Variants in BRWD1 observed in about 807,000 individuals in gnomAD.
BRWD1 encodes the protein bromodomain and WD repeat-containing protein 1.
A neutral mutation model predicts 251.2 loss-of-function variants in BRWD1; 82 were observed. The observed-to-expected ratio is 0.33, with a 90% CI of 0.27 to 0.39. BRWD1 has a LOEUF of 0.39. Ranked by LOEUF, BRWD1 falls within the 10% of genes least tolerant of loss-of-function variation. The pLI, the probability that BRWD1 is intolerant of heterozygous loss-of-function variation, is 1.00. For synonymous variants in BRWD1, 918 were observed against 902.8 expected (o/e 1.02, Z -0.30); for missense variants, 2,233 against 2,711.6 (o/e 0.82, Z 3.92).
intron 8 of BRWD1, among the ~76,000 whole-genome samples, chr21:39,281,711 C>T (rs924459294): frequency 2.6e-5 from 4 of 151,886 alleles, no homozygotes; most frequent in African/African-American, 9.7e-5. Context: ...ATGCCTGTAA[C>T]ATAAAAAGTA....
intron 20 of BRWD1, among the ~76,000 whole-genome samples, 153 bp downstream of exon 20, chr21:39,250,643 C>A (rs995780544): frequency 6.6e-6 from 1 of 151,374 alleles, no homozygotes; most frequent in African/African-American, 2.5e-5. Context: ...AGCTATATAA[C>A]CTTAAGTCTA....
intron 21 of BRWD1, among the ~76,000 whole-genome samples, chr21:39,241,390 C>A (rs1450796356): frequency 5.2e-5 from 7 of 133,722 alleles, no homozygotes; most frequent in Non-Finnish European, 9.3e-5. Context: ...ATCGCTTGAA[C>A]CCAGGAGGTG....
chr21:39,264,792 T>A, intron 16 of BRWD1, 99 bp downstream of exon 16: 1 of 1,524,900 alleles, frequency 6.6e-7, no homozygotes, highest in Admixed American at 2.1e-5. Context: ...ATCAAATCAC[T>A]CAGCTAAACT....
intron 7 of BRWD1, among the ~76,000 whole-genome samples, chr21:39,294,693 TAATGTGATG>T (rs148640731): frequency 0.014 from 2,107 of 150,324 alleles, 39 homozygotes; most frequent in African/African-American, 0.046. Flanking sequence ...TCAAGCTATA[TAATGTGATG>T]AATGTGATGA....
chr21:39,202,381 T>C lies in BRWD1; in HGVS notation c.4529A>G (p.Glu1510Gly). The change falls in exon 38 of 41, where the codon GAA (glutamate) becomes GGA (glycine). Residue 1510 changes from glutamate to glycine, a missense_variant. Physicochemically the swap from Glu to Gly is moderately conservative, Grantham distance 98 (BLOSUM62 -2). Around this residue, in one of 12 missense-constraint regions of BRWD1, gnomAD observed 928 missense variants for 970.0 expected, o/e 0.96. Coordinates refer to ENST00000342449, the MANE Select transcript of BRWD1 (RefSeq NM_033656.4). Reference sequence around the variant, plus strand: ...ATTTCTTTTCCTCCTTTCTGATGATTCTGCTGAATCTGAAGAGTCACCAGA... The same window carrying C: ...ATTTCTTTTCCTCCTTTCTGATGATCCTGCTGAATCTGAAGAGTCACCAGA... Reference protein sequence around the residue: ...VTSGDSSDSAESSERRKRNRP... With the variant: ...VTSGDSSDSAGSSERRKRNRP... 1 of 1,613,940 alleles carries C rather than the reference T, an allele frequency of 6.2e-7. No homozygotes were observed. The highest frequency in any genetic ancestry group is 8.5e-7 in the Non-Finnish European group (1 of 1,179,850).
Position 39,188,630 on chromosome 21 carries a change from C to T in BRWD1, c.*7629G>A, listed in dbSNP as rs1228046567. 1 of 985,448 alleles carries T rather than the reference C, an allele frequency of 1.0e-6. No homozygotes were observed. The highest frequency in any genetic ancestry group is 1.2e-6 in the Non-Finnish European group (1 of 829,938). 61.0% of individuals were successfully genotyped at this position (985,448 alleles called of 1,614,324 possible). A position where few individuals can be genotyped will look rare whatever the true frequency, so the allele number is the denominator to read the frequency against. On this transcript the variant is annotated 3_prime_UTR_variant, in exon 41 of 41. Coordinates refer to ENST00000342449, the MANE Select transcript of BRWD1 (RefSeq NM_033656.4). The stretch of plus-strand genomic sequence containing the variant: ...GCTTCTGTGGACTGACATGTTCATA[C>T]AGCTAGACTAATGAGGCAGGCCTCT...
At chr21:39,221,217 A>G (rs766643082) in intron 29 of BRWD1, among the ~76,000 whole-genome samples, 2 of 151,886 alleles carry the variant, frequency 1.3e-5, no homozygotes, top group Non-Finnish European at 2.9e-5. Flanking sequence ...TTCTGAATGT[A>G]TATCATCATT....
chr21:39,272,104 C>A (rs1158656596), intron 13 of BRWD1, among the ~76,000 whole-genome samples: 8 of 148,306 alleles, frequency 5.4e-5, no homozygotes, highest in Non-Finnish European at 1.2e-4. Flanking sequence ...ATAATTCTAA[C>A]TAGATTGATT....
In BRWD1 at chr21:39,199,772, C is replaced by T. The variant is rs180676629; in HGVS notation, c.4754-110G>A. 1.5e-3 allele frequency: 1,650 copies of T among 1,107,790 alleles called. 14 individuals carry two copies. The South Asian group carries it at 0.016, about 11-fold the overall frequency. 68.6% of individuals were successfully genotyped at this position (1,107,790 alleles called of 1,614,324 possible). ...ACTTTTTTGGGGGGCGGGGAGGAGACGGAGTTTCGCTCTTGTTGCCCAGGC... is the reference window on the plus strand; with the variant it reads ...ACTTTTTTGGGGGGCGGGGAGGAGATGGAGTTTCGCTCTTGTTGCCCAGGC... On this transcript the variant is annotated intron_variant, in intron 39 of 40. Coordinates refer to ENST00000342449, the MANE Select transcript of BRWD1 (RefSeq NM_033656.4).
rs1378912511 is a variant in BRWD1 at position 39,193,884 on chromosome 21, T to C, written c.*2375A>G. The C allele has an allele frequency of 7.1e-6, 7 of 985,360 alleles. No homozygotes were observed. Among genetic ancestry groups the C allele is most frequent in the Non-Finnish European group, 8.4e-6 (7 of 829,642 alleles). 61.0% of individuals were successfully genotyped at this position (985,360 alleles called of 1,614,324 possible). On this transcript the variant is annotated 3_prime_UTR_variant, in exon 41 of 41. Transcript: ENST00000342449. ...CCTTAAAGGTACTTAGGAGTGTGTG[T>C]GTCACATATTCAAAGTTAACCTTAG...
At chr21:39,301,371 T>C (rs1467380607) in intron 4 of BRWD1, among the ~76,000 whole-genome samples, 1 of 152,180 alleles carries the variant, frequency 6.6e-6, no homozygotes, top group Non-Finnish European at 1.5e-5. Flanking sequence ...TTGCTAAGAC[T>C]CTACTGCCTC....
Position 39,194,720 on chromosome 21 carries a change from A to G in BRWD1, c.*1539T>C. 1 of 1,535,300 alleles carries G rather than the reference A, an allele frequency of 6.5e-7. No homozygotes were observed. The highest frequency in any genetic ancestry group is 8.7e-7 in the Non-Finnish European group (1 of 1,146,072). On this transcript the variant is annotated 3_prime_UTR_variant, in exon 41 of 41. Coordinates refer to ENST00000342449, the MANE Select transcript of BRWD1 (RefSeq NM_033656.4). ...AGTCTGATGCTTCGCCTTGTCTGCC[A>G]CTTCAAAGATACACAGGAGAAAAGG...
rs1485436420 is a variant in BRWD1, at chr21:39,196,418, A to G, written c.6651T>C (p.Asp2217=). 1.9e-6 allele frequency: 3 copies of G among 1,613,836 alleles called. No homozygotes were observed. The highest frequency in any genetic ancestry group is 2.5e-6 in the Non-Finnish European group (3 of 1,179,782). The change falls in exon 41 of 41, where the codon GAT becomes GAC. Residue 2217 remains aspartate, a synonymous_variant. Coordinates refer to ENST00000342449, the MANE Select transcript of BRWD1 (RefSeq NM_033656.4). ...QSKRPRLSVD[D]NDWEDLDYAK... is the part of the protein sequence containing the mutation. ...CATAGTCCAAATCCTCCCAGTCATT[A>G]TCATCCACACTTAACCTAGGGCGTT...
At chr21:39,223,676 G>A (rs557506322) in intron 29 of BRWD1, among the ~76,000 whole-genome samples, 1 of 152,148 alleles carries the variant, frequency 6.6e-6, no homozygotes, top group Non-Finnish European at 1.5e-5. Context: ...TAGCACTGGA[G>A]GACAGGCTGG....
chr21:39,274,643 A>T (rs2035223530), intron 12 of BRWD1, among the ~76,000 whole-genome samples, 171 bp from the exon 13 acceptor site: 1 of 152,222 alleles, frequency 6.6e-6, no homozygotes. Context: ...TGGGAAAAAA[A>T]ATTTGGTTTG....
At chr21:39,316,828 C>CT (rs529710166), upstream of BRWD1, among the ~76,000 whole-genome samples, 1 of 151,374 alleles carries the variant, frequency 6.6e-6, no homozygotes, top group Non-Finnish European at 1.5e-5. Flanking sequence ...GCCCCAGCTA[C>CT]TTAAGAGGCT....
intron 23 of BRWD1, 41 bp from the exon 24 acceptor site, chr21:39,232,539 G>A: frequency 6.4e-7 from 1 of 1,573,310 alleles, no homozygotes; most frequent in East Asian, 2.3e-5. Flanking sequence ...GATTAGAAAG[G>A]GGCAGCATGC....
rs1392419665 is a variant in BRWD1, at chr21:39,190,136, G to A, written c.*6123C>T. ...ATGTGTGTATTCTAAGATGGTATATGTGGTGAATAGAAACCTGGATACAAA... is the reference window on the plus strand; with the variant it reads ...ATGTGTGTATTCTAAGATGGTATATATGGTGAATAGAAACCTGGATACAAA... On this transcript the variant is annotated 3_prime_UTR_variant, in exon 41 of 41. Transcript: ENST00000342449. 1.0e-6 allele frequency: 1 copy of A among 984,858 alleles called. No homozygotes were observed. Among genetic ancestry groups the A allele is most frequent in the Non-Finnish European group, 1.2e-6 (1 of 829,592 alleles). The allele number at this position is 984,858 out of a possible 1,614,324, so 61.0% of individuals were successfully genotyped here. A position where few individuals can be genotyped will look rare whatever the true frequency, so the allele number is the denominator to read the frequency against.
At chr21:39,225,877 G>A (rs2033363811) in intron 27 of BRWD1, among the ~76,000 whole-genome samples, 1 of 152,050 alleles carries the variant, frequency 6.6e-6, no homozygotes, top group African/African-American at 2.4e-5. Context: ...GACTAGTATA[G>A]CTTTAAACTT....
Sources: allele counts gnomAD v4.1 joint callset (sites outside exome capture counted in the v4.1 genomes callset), GRCh38; gene constraint gnomAD v4.1.1; regional missense constraint gnomAD v4.1.1; transcripts MANE v1.5; gene names NCBI Gene and HGNC (gene_info 2026-07-23, HGNC 2026-07-21).